TAF8: variants seen among roughly 807,000 people sequenced by gnomAD.
TAF8 encodes the protein TATA-box binding protein associated factor 8, also known as transcription initiation factor TFIID subunit 8.
A neutral mutation model predicts 36.5 loss-of-function variants in TAF8; 47 were observed. That is an observed-to-expected ratio of 1.29 (90% confidence interval 1.02 to 1.64). The LOEUF (loss-of-function observed/expected upper bound fraction) is 1.64, where lower values mean the gene tolerates loss of function less well. TAF8 is among the 40% of genes most tolerant of loss of function. TAF8 has a pLI of 0.00. For missense variants in TAF8, 420 were observed against 407.6 expected, an observed-to-expected ratio of 1.03 and a Z score of -0.26; for synonymous variants, 175 against 159.5, an observed-to-expected ratio of 1.10 and a Z score of -0.73.
rs1014972083 is a variant in TAF8 at position 42,083,258 on chromosome 6, C to G, written c.*5713C>G. On this transcript the variant is annotated 3_prime_UTR_variant, in exon 9 of 9. Transcript: ENST00000372977. ...GATGTTCCATGTCAGTAATAAAGAG[C>G]TTCTCTGTTTCGTGGCTGCATGGTT... The G allele has an allele frequency of 1.3e-5, 2 of 152,284 alleles. No individual in the cohort carries two copies. The highest frequency in any genetic ancestry group is 6.5e-5 in the Admixed American group (1 of 15,282). 9.4% of individuals were successfully genotyped at this position (152,284 alleles called of 1,614,324 possible). A position where few individuals can be genotyped will look rare whatever the true frequency, so the allele number is the denominator to read the frequency against.
intron 5 of TAF8, 60 bp downstream of exon 5, chr6:42,057,573 CTG>C: frequency 6.3e-7 from 1 of 1,598,386 alleles, no homozygotes. Flanking sequence ...TTCCTACTGA[CTG>C]TCACGTGGCA....
chr6:42,079,454 A>G lies in TAF8; in HGVS notation c.*1909A>G. The G allele has an allele frequency of 1.0e-6, 1 of 985,458 alleles. No homozygotes were observed. Among genetic ancestry groups the G allele is most frequent in the Non-Finnish European group, 1.2e-6 (1 of 829,946 alleles). The allele number at this position is 985,458 out of a possible 1,614,324, so 61.0% of individuals were successfully genotyped here. A position where few individuals can be genotyped will look rare whatever the true frequency, so the allele number is the denominator to read the frequency against. On this transcript the variant is annotated 3_prime_UTR_variant, in exon 9 of 9. Coordinates refer to ENST00000372977, the MANE Select transcript of TAF8 (RefSeq NM_138572.3). ...GTTTTTAAAACTAAATCCAAGGAAG[A>G]AAAATGTAACAACACGTGGAAGTGA...
Position 42,079,555 on chromosome 6 carries a change from T to A in TAF8, c.*2010T>A. 1.0e-6 allele frequency: 1 copy of A among 985,264 alleles called. No individual in the cohort carries two copies. Among genetic ancestry groups the A allele is most frequent in the Non-Finnish European group, 1.2e-6 (1 of 829,910 alleles). The allele number at this position is 985,264 out of a possible 1,614,324, so 61.0% of individuals were successfully genotyped here. A position where few individuals can be genotyped will look rare whatever the true frequency, so the allele number is the denominator to read the frequency against. ...TTAGCTTCATGTATTCCCCTTTGGC[T>A]TCCACAGTTCAACTCCTTTTATTTT... On this transcript the variant is annotated 3_prime_UTR_variant, in exon 9 of 9. Transcript: ENST00000372977.
chr6:42,080,027 C>A lies in TAF8; in HGVS notation c.*2482C>A. On this transcript the variant is annotated 3_prime_UTR_variant, in exon 9 of 9. Coordinates refer to ENST00000372977, the MANE Select transcript of TAF8 (RefSeq NM_138572.3). ...AAAAAAATTGGATTCCCCAACTGGA[C>A]TAAATAGGAGTTTTTCAGGTTTGTA... The A allele has an allele frequency of 1.0e-6, 1 of 985,148 alleles. No individual in the cohort carries two copies. The highest frequency in any genetic ancestry group is 1.2e-6 in the Non-Finnish European group (1 of 829,902). 61.0% of individuals were successfully genotyped at this position (985,148 alleles called of 1,614,324 possible). A position where few individuals can be genotyped will look rare whatever the true frequency, so the allele number is the denominator to read the frequency against.
rs749425023 is a variant in TAF8 at position 42,066,440 on chromosome 6, T to C, written c.618T>C (p.Asp206=). The C allele has an allele frequency of 1.9e-6, 3 of 1,614,082 alleles. No homozygotes were observed. Among genetic ancestry groups the C allele is most frequent in the East Asian group, 4.5e-5 (2 of 44,904 alleles). Residue 206 remains aspartate, a synonymous_variant, in exon 6 of 9, where the codon GAT becomes GAC. Coordinates refer to ENST00000372977, the MANE Select transcript of TAF8 (RefSeq NM_138572.3). ...KTGETQSLFK[D]DVSTFPLIAA... Reference sequence around the variant, plus strand: ...GCGAGACTCAGAGTCTTTTCAAAGATGACGTCAGCACATTTCCATGTGAGA... The same window carrying C: ...GCGAGACTCAGAGTCTTTTCAAAGACGACGTCAGCACATTTCCATGTGAGA...
chr6:42,059,924 G>A (rs1357823937), intron 5 of TAF8, among the ~76,000 whole-genome samples: 2 of 152,182 alleles, frequency 1.3e-5, no homozygotes, highest in African/African-American at 4.8e-5. Context: ...AATTGCTCTG[G>A]CTTCTTCCTG....
At chr6:42,055,764 G>C in intron 3 of TAF8, 135 bp downstream of exon 3, 1 of 801,574 alleles carries the variant, frequency 1.2e-6, no homozygotes, top group Admixed American at 2.3e-5. Context: ...GAGTTATCAA[G>C]AGAGATTCCT....
intron 5 of TAF8, among the ~76,000 whole-genome samples, chr6:42,060,599 A>G (rs1403395997): frequency 6.6e-6 from 1 of 152,136 alleles, no homozygotes; most frequent in African/African-American, 2.4e-5. Flanking sequence ...TGAAAGTGAC[A>G]TTCTTTACTT....
At chr6:42,069,584 TG>T (rs1041334634) in intron 7 of TAF8, among the ~76,000 whole-genome samples, 2 of 152,084 alleles carry the variant, frequency 1.3e-5, no homozygotes, top group African/African-American at 4.8e-5. Flanking sequence ...AACAGGTGTG[TG>T]GGGGAAGTCA....
rs543983075 is a variant in TAF8 at position 42,078,153 on chromosome 6, G to A, written c.*608G>A. On this transcript the variant is annotated 3_prime_UTR_variant, in exon 9 of 9. Transcript: ENST00000372977. ...TGATAACCCGCCTCGGCCTCCCAAA[G>A]TGCTGAGATTACAGGCGTGAGCCAC... is the stretch of plus-strand genomic sequence containing the variant. 6.2e-6 allele frequency: 6 copies of A among 973,354 alleles called. No homozygotes were observed. The highest frequency in any genetic ancestry group is 7.3e-6 in the Non-Finnish European group (6 of 818,710). 60.3% of individuals were successfully genotyped at this position (973,354 alleles called of 1,614,324 possible). A position where few individuals can be genotyped will look rare whatever the true frequency, so the allele number is the denominator to read the frequency against.
Position 42,078,088 on chromosome 6 carries a change from G to A in TAF8, c.*543G>A, listed in dbSNP as rs907786496. The A allele has an allele frequency of 1.5e-5, 6 of 388,880 alleles. No individual in the cohort carries two copies. Among genetic ancestry groups the A allele is most frequent in the East Asian group, 3.2e-4 (2 of 6,202 alleles). The allele number at this position is 388,880 out of a possible 1,614,324, so 24.1% of individuals were successfully genotyped here. The stretch of plus-strand genomic sequence containing the variant: ...GTATTTTTAATAGAGATAAGGTTTC[G>A]CCATGTTGGCCAGGCTGGTCTTGAA... On this transcript the variant is annotated 3_prime_UTR_variant, in exon 9 of 9. Coordinates refer to ENST00000372977, the MANE Select transcript of TAF8 (RefSeq NM_138572.3).
chr6:42,074,424 G>C (rs1765680361), intron 7 of TAF8, among the ~76,000 whole-genome samples: 1 of 152,232 alleles, frequency 6.6e-6, no homozygotes. Context: ...ACTGGATGCA[G>C]TCACCACAGA....
At position 42,071,311 on chromosome 6, in the gene TAF8, C is replaced by CTTTTT. The variant is rs70987566; in HGVS notation, c.780+2733_780+2737dup. ...TGAAGGTCTTATTTGCCTGGACATA[C>CTTTTT]TTTTTTTTTTTTTTTTTTTTTTTTT... On this transcript the variant is annotated intron_variant, in intron 7 of 8. Coordinates refer to ENST00000372977, the MANE Select transcript of TAF8 (RefSeq NM_138572.3). The CTTTTT allele has an allele frequency of 9.1e-4, 111 of 121,698 alleles. 9 individuals are homozygous for CTTTTT. Among genetic ancestry groups the CTTTTT allele is most frequent in the African/African-American group, 4.1e-3 (75 of 18,262 alleles). 7.5% of individuals were successfully genotyped at this position (121,698 alleles called of 1,614,324 possible).
At chr6:42,066,243 G>T in intron 5 of TAF8, 69 bp from the exon 6 acceptor site, 1 of 1,588,624 alleles carries the variant, frequency 6.3e-7, no homozygotes, top group South Asian at 1.1e-5. Context: ...GCAACAGCAA[G>T]CCAGGGAGCT....
intron 7 of TAF8, among the ~76,000 whole-genome samples, chr6:42,075,498 G>T (rs1310556714): frequency 6.6e-6 from 1 of 152,204 alleles, no homozygotes; most frequent in African/African-American, 2.4e-5. Context: ...ACCTGAGACT[G>T]GTGTCCATGC....
downstream of TAF8, among the ~76,000 whole-genome samples, chr6:42,084,618 G>C (rs13213381): frequency 1.7e-5 from 2 of 117,996 alleles, no homozygotes; most frequent in Non-Finnish European, 4.0e-5. Flanking sequence ...ACATGCCACC[G>C]CACCTGGCTG....
At chr6:42,086,657 A>C (rs1400322019), downstream of TAF8, 158 of 1,530,852 alleles carry the variant, frequency 1.0e-4, no homozygotes, top group Non-Finnish European at 1.4e-4. Context: ...CTCTTCCACC[A>C]CCCTCTCCTG....
At position 42,080,374 on chromosome 6, in the gene TAF8, T is replaced by TTTTC; in HGVS notation, c.*2832_*2833insCTTT. ...GGCTATACTCTTTTTTTTTCTTTTC[T>TTTTC]TTTTTTTTTTTTTTTGAGACGGCAT... On this transcript the variant is annotated 3_prime_UTR_variant, in exon 9 of 9. Coordinates refer to ENST00000372977, the MANE Select transcript of TAF8 (RefSeq NM_138572.3). 1 of 669,350 alleles carries TTTTC rather than the reference T, an allele frequency of 1.5e-6. No individual in the cohort carries two copies. Among genetic ancestry groups the TTTTC allele is most frequent in the Non-Finnish European group, 1.7e-6 (1 of 585,422 alleles). The allele number at this position is 669,350 out of a possible 1,614,324, so 41.5% of individuals were successfully genotyped here.
chr6:42,051,230 T>G, intron 1 of TAF8, 127 bp from the exon 2 acceptor site: 1 of 1,319,294 alleles, frequency 7.6e-7, no homozygotes, highest in Admixed American at 2.4e-5. Flanking sequence ...TCTGTAAATC[T>G]AAACATTAAG....
Sources: gnomAD v4.1 joint callset for allele counts (sites outside exome capture counted in the v4.1 genomes callset) on GRCh38, gnomAD v4.1.1 for gene constraint, MANE v1.5 for transcripts, NCBI Gene and HGNC (gene_info 2026-07-23, HGNC 2026-07-21) for gene names.